Variants in GABRA3 observed in about 807,000 individuals in gnomAD.
GABRA3 encodes gamma-aminobutyric acid type A receptor subunit alpha3, also known as gamma-aminobutyric acid receptor subunit alpha-3.
A neutral mutation model predicts 30.1 loss-of-function variants in GABRA3; 10 were observed. The observed-to-expected ratio is 0.33, with a 90% CI of 0.20 to 0.56. The LOEUF (loss-of-function observed/expected upper bound fraction) is 0.56, where lower values mean the gene tolerates loss of function less well. Ranked by LOEUF, GABRA3 falls within the 20% of genes least tolerant of loss-of-function variation. The probability of loss-of-function intolerance (pLI) is 0.89; values close to 1 mark genes in which losing one functional copy is unlikely to be tolerated. For missense variants in GABRA3, 233 were observed against 392.0 expected (o/e 0.59, Z 3.42); for synonymous variants, 151 against 146.8 (o/e 1.03, Z -0.21).
At position 152,298,300 on chromosome X, in the gene GABRA3, G is replaced by A. The variant is rs972239210; in HGVS notation, c.263-13565C>T. The stretch of plus-strand genomic sequence containing the variant: ...GCAGGTTAGTTACATATGTATACAT[G>A]TGCCATGTTGGTGTGCGGCACCCAT... On this transcript the variant is annotated intron_variant, in intron 3 of 9. Coordinates refer to ENST00000370314, the MANE Select transcript of GABRA3 (RefSeq NM_000808.4). Among the ~76,000 whole-genome samples the A allele has an allele frequency of 3.6e-5, 4 of 110,516 alleles. No individual in the cohort carries two copies. The Admixed American group carries it at 3.8e-4, about 11-fold the overall frequency.
In GABRA3 at chrX:152,437,699, G is replaced by C. The variant is rs1341664800; in HGVS notation, c.-27+13447C>G. On this transcript the variant is annotated intron_variant, in intron 1 of 9. Transcript: ENST00000370314. ...GAACAGAATAGAGACCCCAGAAATA[G>C]ATAGACCCACATGAATATAGTCAAC... Among the ~76,000 whole-genome samples, 9 of 111,886 alleles carry C rather than the reference G, an allele frequency of 8.0e-5. No individual in the cohort carries two copies. The South Asian group carries it at 2.6e-3, about 32-fold the overall frequency.
chrX:152,292,462 G>A (rs149810651), intron 3 of GABRA3, among the ~76,000 whole-genome samples: 1,571 of 110,697 alleles, frequency 0.014, 22 homozygotes, highest in African/African-American at 0.036. Flanking sequence ...TCTCGCTAGC[G>A]GTCTATCAAT....
At chrX:152,214,617 C>T (rs1937682199) in intron 6 of GABRA3, among the ~76,000 whole-genome samples, 1 of 111,025 alleles carries the variant, frequency 9.0e-6, no homozygotes, top group Non-Finnish European at 1.9e-5. Context: ...GGAAGCATGT[C>T]ATTGGTGTTT....
intron 5 of GABRA3, among the ~76,000 whole-genome samples, chrX:152,239,788 T>A (rs959674267): frequency 9.5e-6 from 1 of 105,405 alleles, no homozygotes; most frequent in African/African-American, 3.7e-5. Flanking sequence ...TGGTTTCAAG[T>A]CTGTTTTATC....
intron 4 of GABRA3, among the ~76,000 whole-genome samples, chrX:152,262,766 C>T (rs761766929): frequency 8.9e-6 from 1 of 111,925 alleles, no homozygotes; most frequent in South Asian, 3.8e-4. Context: ...GACCTCCAAA[C>T]TGTTTCAACC....
intron 3 of GABRA3, among the ~76,000 whole-genome samples, chrX:152,322,723 G>A (rs1480491283): frequency 1.9e-5 from 2 of 107,710 alleles, no homozygotes; most frequent in African/African-American, 6.8e-5. Context: ...TAGTAAAAAT[G>A]GGGTTTCACC....
At chrX:152,187,884 G>A (rs1470537886) in intron 9 of GABRA3, among the ~76,000 whole-genome samples, 2 of 112,205 alleles carry the variant, frequency 1.8e-5, no homozygotes, top group Admixed American at 9.5e-5. Flanking sequence ...ATGACCTATT[G>A]AGTATTGTAA....
intron 3 of GABRA3, among the ~76,000 whole-genome samples, chrX:152,297,608 C>T (rs1178669953): frequency 1.8e-5 from 2 of 112,062 alleles, no homozygotes; most frequent in Non-Finnish European, 3.8e-5. Context: ...TCAGTATAAG[C>T]TCTAGCAGTA....
At chrX:152,393,563 G>A (rs748721533) in intron 1 of GABRA3, 2 of 318,943 alleles carry the variant, frequency 6.3e-6, no homozygotes, top group Non-Finnish European at 1.2e-5. Context: ...ATAACACAAT[G>A]AGGAATATGC....
intron 1 of GABRA3, among the ~76,000 whole-genome samples, chrX:152,438,150 A>G (rs1930825040): frequency 8.9e-6 from 1 of 112,226 alleles, no homozygotes; most frequent in African/African-American, 3.2e-5. Context: ...AATGAGCAAA[A>G]GAACTGAAGA....
chrX:152,182,991 T>C (rs1937205402), intron 9 of GABRA3, among the ~76,000 whole-genome samples: 1 of 106,040 alleles, frequency 9.4e-6, no homozygotes, highest in African/African-American at 3.4e-5. Context: ...TTACATCTAT[T>C]TTGTTCATCA....
chrX:152,312,023 TACA>T (rs1308598441), intron 3 of GABRA3, among the ~76,000 whole-genome samples: 1 of 111,548 alleles, frequency 9.0e-6, no homozygotes, highest in Non-Finnish European at 1.9e-5. Context: ...GATCTCTGTC[TACA>T]ACAAGAATTA....
intron 1 of GABRA3, among the ~76,000 whole-genome samples, chrX:152,448,068 A>C (rs753249027): frequency 1.8e-5 from 2 of 112,434 alleles, no homozygotes; most frequent in South Asian, 7.3e-4. Flanking sequence ...TGGTTAATTT[A>C]TTTTACTAAA....
At chrX:152,223,083 T>A in intron 6 of GABRA3, among the ~76,000 whole-genome samples, 1 of 111,562 alleles carries the variant, frequency 9.0e-6, no homozygotes, top group South Asian at 3.7e-4. Context: ...CATCCACCAG[T>A]ATGAGCCCTA....
At position 152,347,293 on chromosome X, in the gene GABRA3, A is replaced by T. The variant is rs1405489086; in HGVS notation, c.141-1591T>A. Among the ~76,000 whole-genome samples, 3 of 111,709 alleles carry T rather than the reference A, an allele frequency of 2.7e-5. No individual in the cohort carries two copies. In the Admixed American group the frequency reaches 2.9e-4, roughly 11 times the overall value. ...ATTTGTGGGAGCTAAAAATTAAAAC[A>T]ATTGAACTCATGGAGATAGAGAGTA... On this transcript the variant is annotated intron_variant, in intron 2 of 9. Coordinates refer to ENST00000370314, the MANE Select transcript of GABRA3 (RefSeq NM_000808.4).
chrX:152,256,459 GT>G (rs1230462717), intron 4 of GABRA3, among the ~76,000 whole-genome samples: 1 of 111,077 alleles, frequency 9.0e-6, no homozygotes, highest in Non-Finnish European at 1.9e-5. Context: ...ATAACAATAT[GT>G]CTGATTAGCA....
intron 8 of GABRA3, among the ~76,000 whole-genome samples, chrX:152,194,116 G>A (rs948990824): frequency 3.6e-5 from 4 of 112,216 alleles, no homozygotes; most frequent in African/African-American, 6.5e-5. Context: ...ATTACATTAT[G>A]TTCTAGTATT....
chrX:152,354,099 A>G (rs2201170), intron 2 of GABRA3, among the ~76,000 whole-genome samples: 25,145 of 110,925 alleles, frequency 0.23, 2,735 homozygotes, highest in African/African-American at 0.44. Context: ...GTAAGTAAAT[A>G]TTCAGGTATG....
chrX:152,369,801 T>C (rs1435675375), intron 1 of GABRA3, among the ~76,000 whole-genome samples: 2 of 111,496 alleles, frequency 1.8e-5, no homozygotes, highest in Non-Finnish European at 3.8e-5. Context: ...TTTTGGTTTT[T>C]TTTAAATTCA....
Sources: gnomAD v4.1 joint callset for allele counts (sites outside exome capture counted in the v4.1 genomes callset) on GRCh38, gnomAD v4.1.1 for gene constraint, MANE v1.5 for transcripts, NCBI Gene and HGNC (gene_info 2026-07-23, HGNC 2026-07-21) for gene names.